RBFOX1: variants seen among roughly 807,000 people sequenced by gnomAD.
RBFOX1 encodes the protein RNA binding protein fox-1 homolog 1.
RBFOX1 carries 8 observed loss-of-function variants against 57.7 expected under a neutral mutation model. That is an observed-to-expected ratio of 0.14 (90% CI 0.08 to 0.25). The LOEUF is 0.25. Ranked by LOEUF, RBFOX1 falls within the 10% of genes least tolerant of loss-of-function variation. The pLI is 1.00. For missense variants in RBFOX1, 611 were observed against 548.5 expected (o/e 1.11, Z -1.14); for synonymous variants, 326 against 222.4 (o/e 1.47, Z -4.15).
chr16:6,806,745 C>T (rs1352455841), intron 3 of RBFOX1, among the ~76,000 whole-genome samples: 3 of 139,738 alleles, frequency 2.1e-5, no homozygotes, highest in East Asian at 4.1e-4. Context: ...GTTTTTTCTC[C>T]CTTTCTTTTT....
rs541581252 is a variant in RBFOX1 at position 6,296,422 on chromosome 16, A to AT, written c.-126-20573_-126-20572insT. On this transcript the variant is annotated intron_variant, in intron 1 of 15. Coordinates refer to ENST00000550418, the MANE Select transcript of RBFOX1 (RefSeq NM_018723.4). Reference sequence around the variant, plus strand: ...TTACGATTAAGCGGGGAGGGGATGTACTTTTTTTTTTTTTTCGAGGTGGAG... The same window carrying AT: ...TTACGATTAAGCGGGGAGGGGATGTATCTTTTTTTTTTTTTTCGAGGTGGAG... 6.6e-3 allele frequency among the ~76,000 whole-genome samples: 971 copies of AT among 147,470 alleles called. 24 individuals are homozygous for AT. The highest frequency in any genetic ancestry group is 0.021 in the African/African-American group (831 of 40,066).
At chr16:5,524,136 G>A (rs1276056776) in intron 2 of RBFOX1, among the ~76,000 whole-genome samples, 2 of 152,164 alleles carry the variant, frequency 1.3e-5, no homozygotes, top group African/African-American at 4.8e-5. Flanking sequence ...ACTCTGGGAG[G>A]ACCTATTTAA....
chr16:7,171,061 C>T (rs1402767639), intron 4 of RBFOX1, among the ~76,000 whole-genome samples: 1 of 152,162 alleles, frequency 6.6e-6, no homozygotes, highest in Non-Finnish European at 1.5e-5. Context: ...TTGTCTGAAT[C>T]TTATTTCTTG....
chr16:6,437,985 C>A (rs1351600913), intron 2 of RBFOX1, among the ~76,000 whole-genome samples: 3 of 152,138 alleles, frequency 2.0e-5, no homozygotes, highest in Non-Finnish European at 4.4e-5. Flanking sequence ...AGGAAACTGC[C>A]AGGCTCCTCT....
chr16:7,628,745 TG>T lies in RBFOX1; in HGVS notation c.677-1856del. Among the ~76,000 whole-genome samples, 3 of 152,202 alleles carry T rather than the reference TG, an allele frequency of 2.0e-5. No homozygotes were observed. The Middle Eastern group carries it at 0.01, about 518-fold the overall frequency. On this transcript the variant is annotated intron_variant, in intron 10 of 15. Coordinates refer to ENST00000550418, the MANE Select transcript of RBFOX1 (RefSeq NM_018723.4). ...CTCCTGCCTCAGTCTCCTGAGTAGC[TG>T]GAATTACAGGCGCCTGCCACCACAC... is the stretch of plus-strand genomic sequence containing the variant.
At chr16:6,684,963 T>G (rs967602457) in intron 3 of RBFOX1, among the ~76,000 whole-genome samples, 4 of 152,172 alleles carry the variant, frequency 2.6e-5, no homozygotes, top group African/African-American at 4.8e-5. Flanking sequence ...ATTAATCTCT[T>G]TGGCAGGTTG....
chr16:6,837,347 G>A (rs897755073), intron 3 of RBFOX1, among the ~76,000 whole-genome samples: 2 of 152,174 alleles, frequency 1.3e-5, no homozygotes, highest in African/African-American at 4.8e-5. Context: ...ACTCTGATAA[G>A]GAAGTGGAGT....
intron 2 of RBFOX1, among the ~76,000 whole-genome samples, chr16:6,635,451 G>C (rs970450054): frequency 4.3e-4 from 66 of 152,214 alleles, no homozygotes; most frequent in Non-Finnish European, 2.1e-4. Context: ...ATCTGGATGG[G>C]GAGGTAGAGG....
intron 1 of RBFOX1, among the ~76,000 whole-genome samples, chr16:6,190,796 C>T (rs1598222538): frequency 6.6e-6 from 1 of 152,134 alleles, no homozygotes; most frequent in Non-Finnish European, 1.5e-5. Context: ...TGTATTTTAT[C>T]TTGCTGGCAA....
At chr16:6,980,760 G>A (rs1484034327) in intron 3 of RBFOX1, among the ~76,000 whole-genome samples, 1 of 152,090 alleles carries the variant, frequency 6.6e-6, no homozygotes, top group African/African-American at 2.4e-5. Flanking sequence ...GTTCAGGAAT[G>A]GAGCAGGTAC....
chr16:7,538,630 A>C (rs1361743718), intron 5 of RBFOX1, among the ~76,000 whole-genome samples: 2 of 152,208 alleles, frequency 1.3e-5, no homozygotes, highest in African/African-American at 4.8e-5. Flanking sequence ...AATAATTACA[A>C]ATTGTAATGT....
intron 3 of RBFOX1, among the ~76,000 whole-genome samples, chr16:6,949,861 C>A (rs1051468092): frequency 6.6e-6 from 1 of 151,988 alleles, no homozygotes; most frequent in Non-Finnish European, 1.5e-5. Flanking sequence ...CAATTCCAAG[C>A]CCCTCTGTTG....
At chr16:7,385,316 A>G (rs562124788) in intron 4 of RBFOX1, among the ~76,000 whole-genome samples, 2 of 152,218 alleles carry the variant, frequency 1.3e-5, no homozygotes, top group Non-Finnish European at 2.9e-5. Context: ...GCAAGGGGTC[A>G]TAGTGGTTTG....
rs150319656 is a variant in RBFOX1, at chr16:7,188,708, T to G, written c.27+136610T>G. 6.1e-4 allele frequency among the ~76,000 whole-genome samples: 93 copies of G among 152,350 alleles called. No homozygotes were observed. The East Asian group carries it at 8.1e-3, about 13-fold the overall frequency. ...GGTTTCATTTATTCTGCTGCAGTCT[T>G]CATTTCTACCATATATTTGGAGATT... On this transcript the variant is annotated intron_variant, in intron 4 of 15. Coordinates refer to ENST00000550418, the MANE Select transcript of RBFOX1 (RefSeq NM_018723.4).
chr16:6,255,914 G>C (rs533457925), intron 1 of RBFOX1, among the ~76,000 whole-genome samples: 1 of 151,686 alleles, frequency 6.6e-6, no homozygotes, highest in South Asian at 2.1e-4. Context: ...AAGGGAGGGA[G>C]AGCGTTAGGA....
intron 1 of RBFOX1, among the ~76,000 whole-genome samples, chr16:5,369,670 C>T (rs2065810882): frequency 6.6e-6 from 1 of 152,200 alleles, no homozygotes; most frequent in Non-Finnish European, 1.5e-5. Context: ...AAAAACTAAA[C>T]ATATTTCCAA....
At chr16:6,631,321 T>A (rs944329501) in intron 2 of RBFOX1, among the ~76,000 whole-genome samples, 2 of 152,000 alleles carry the variant, frequency 1.3e-5, no homozygotes, top group African/African-American at 4.8e-5. Flanking sequence ...TGCATTTTAA[T>A]GCATATTTAA....
intron 3 of RBFOX1, among the ~76,000 whole-genome samples, chr16:6,820,667 A>T (rs7187054): frequency 0.5 from 75,425 of 151,640 alleles, 20,058 homozygotes; most frequent in Non-Finnish European, 0.6. Context: ...TCCAAAAAAA[A>T]AACAAGCAAA....
chr16:6,064,921 C>G (rs2095739841), intron 1 of RBFOX1, among the ~76,000 whole-genome samples: 1 of 151,914 alleles, frequency 6.6e-6, no homozygotes, highest in South Asian at 2.1e-4. Context: ...CATGGAGAAT[C>G]CGAATCAACA....
Sources: gnomAD v4.1 joint callset for allele counts (sites outside exome capture counted in the v4.1 genomes callset) on GRCh38, gnomAD v4.1.1 for gene constraint, MANE v1.5 for transcripts, NCBI Gene and HGNC (gene_info 2026-07-23, HGNC 2026-07-21) for gene names.